The following MEOX2 variants were observed in gnomAD, a reference collection of about 807,000 sequenced individuals.
The protein encoded by MEOX2 is homeobox protein MOX-2.
MEOX2 carries 11 observed loss-of-function variants against 27.0 expected under a neutral mutation model. The observed-to-expected ratio is 0.41, with a 90% CI of 0.26 to 0.68. The LOEUF (loss-of-function observed/expected upper bound fraction) is 0.68, where lower values mean the gene tolerates loss of function less well. MEOX2 is among the 30% of genes least tolerant of loss of function. MEOX2 has a pLI of 0.33. For missense variants in MEOX2, 436 were observed against 385.4 expected (o/e 1.13, Z -1.10); for synonymous variants, 189 against 155.4 (o/e 1.22, Z -1.61).
At chr7:15,675,211 A>T (rs1218855533) in intron 1 of MEOX2, among the ~76,000 whole-genome samples, 5 of 152,204 alleles carry the variant, frequency 3.3e-5, no homozygotes, top group Admixed American at 3.3e-4. Context: ...CCAGCTATTA[A>T]ACTGTGTCAA....
chr7:15,614,529 A>C (rs1285753295), intron 2 of MEOX2, among the ~76,000 whole-genome samples: 1 of 152,112 alleles, frequency 6.6e-6, no homozygotes, highest in Non-Finnish European at 1.5e-5. Context: ...TGGATAACAC[A>C]TTGTCCCAGG....
intron 2 of MEOX2, among the ~76,000 whole-genome samples, chr7:15,617,741 T>A (rs1294057374): frequency 6.6e-6 from 1 of 152,120 alleles, no homozygotes; most frequent in African/African-American, 2.4e-5. Flanking sequence ...GGGCTGCCTC[T>A]CACCTTTATC....
At chr7:15,658,179 G>T (rs1248115817) in intron 1 of MEOX2, among the ~76,000 whole-genome samples, 1 of 152,206 alleles carries the variant, frequency 6.6e-6, no homozygotes. Flanking sequence ...TGGGGAACAG[G>T]ATGAGTAACT....
intron 1 of MEOX2, among the ~76,000 whole-genome samples, chr7:15,662,591 G>C (rs1030533274): frequency 5.3e-5 from 8 of 152,046 alleles, no homozygotes; most frequent in African/African-American, 1.9e-4. Context: ...TTTCAAGGTT[G>C]AGTAATGCAT....
intron 2 of MEOX2, among the ~76,000 whole-genome samples, chr7:15,623,792 A>G (rs938670494): frequency 6.6e-6 from 1 of 152,272 alleles, no homozygotes; most frequent in African/African-American, 2.4e-5. Context: ...CAATACAATT[A>G]CATCATTCCT....
Position 15,686,222 on chromosome 7 carries a change from C to T in MEOX2, c.181G>A (p.Ala61Thr), listed in dbSNP as rs991895325. 1.9e-6 allele frequency: 3 copies of T among 1,611,184 alleles called. No individual in the cohort carries two copies. The highest frequency in any genetic ancestry group is 2.7e-5 in the African/African-American group (2 of 74,810). ...TGGTGCCCCCTGTGATGCTGGCTGG[C>T]AAACATGCCCTCTTCGTTGGGGTAT... ...AGYPNEEGMFASQHHRGHHHH... is the reference protein window; with the variant it reads ...AGYPNEEGMFTSQHHRGHHHH... The change falls in exon 1 of 3, where the codon GCC (alanine) becomes ACC (threonine). Residue 61 changes from alanine (A) to threonine (T), a missense_variant. Transcript: ENST00000262041.
intron 1 of MEOX2, among the ~76,000 whole-genome samples, chr7:15,684,972 G>T (rs774338269): frequency 1.3e-5 from 2 of 152,234 alleles, no homozygotes; most frequent in African/African-American, 4.8e-5. Context: ...GGTCAGGAAG[G>T]TTCCCCTTTT....
At chr7:15,650,712 G>T (rs1408732093) in intron 1 of MEOX2, among the ~76,000 whole-genome samples, 1 of 151,836 alleles carries the variant, frequency 6.6e-6, no homozygotes, top group Non-Finnish European at 1.5e-5. Flanking sequence ...TTTTTGGGGG[G>T]GAGACTTCTC....
intron 2 of MEOX2, among the ~76,000 whole-genome samples, chr7:15,614,076 T>C (rs1285539866): frequency 6.6e-6 from 1 of 151,676 alleles, no homozygotes; most frequent in Non-Finnish European, 1.5e-5. Context: ...GACTAGTGTT[T>C]TGTGTTTTCT....
intron 1 of MEOX2, among the ~76,000 whole-genome samples, chr7:15,642,785 C>G (rs187830748): frequency 2.0e-5 from 3 of 152,270 alleles, no homozygotes; most frequent in South Asian, 2.1e-4. Flanking sequence ...AGGTTTCCCC[C>G]TCTTGAGGGT....
In MEOX2 at chr7:15,683,305, A is replaced by T. The variant is rs144732165; in HGVS notation, c.517+2581T>A. 1.4e-4 allele frequency among the ~76,000 whole-genome samples: 22 copies of T among 152,140 alleles called. 1 individual carries two copies. In the East Asian group the frequency reaches 4.2e-3, roughly 29 times the overall value. ...ACTTTACCCTGGATTTATGTACTGA[A>T]TTTTCTCTCAACCATAAATGCAAAG... On this transcript the variant is annotated intron_variant, in intron 1 of 2. Coordinates refer to ENST00000262041, the MANE Select transcript of MEOX2 (RefSeq NM_005924.5).
intron 1 of MEOX2, chr7:15,680,610 C>T (rs1008046643): frequency 1.3e-5 from 2 of 151,780 alleles, no homozygotes; most frequent in Non-Finnish European, 3.0e-5. Flanking sequence ...GTTCAACACG[C>T]TAGTAAAAGA....
At chr7:15,660,788 G>A (rs555181331) in intron 1 of MEOX2, among the ~76,000 whole-genome samples, 1 of 151,952 alleles carries the variant, frequency 6.6e-6, no homozygotes, top group Non-Finnish European at 1.5e-5. Context: ...TTGGGAGGCC[G>A]AGGCAGGCAG....
chr7:15,660,208 A>T (rs1781890708), intron 1 of MEOX2, among the ~76,000 whole-genome samples: 1 of 152,202 alleles, frequency 6.6e-6, no homozygotes, highest in African/African-American at 2.4e-5. Flanking sequence ...GAAACACAAA[A>T]GAGCACAGAA....
At chr7:15,618,890 C>T (rs1268296357) in intron 2 of MEOX2, among the ~76,000 whole-genome samples, 10 of 151,720 alleles carry the variant, frequency 6.6e-5, no homozygotes, top group Non-Finnish European at 7.4e-5. Flanking sequence ...TTAATAACTT[C>T]AAAACCGTCA....
intron 1 of MEOX2, among the ~76,000 whole-genome samples, chr7:15,650,644 T>G (rs1781719643): frequency 6.6e-6 from 1 of 151,982 alleles, no homozygotes; most frequent in Non-Finnish European, 1.5e-5. Flanking sequence ...TTCCTTCCCT[T>G]AAGGATCATA....
At chr7:15,622,743 G>T (rs997348608) in intron 2 of MEOX2, among the ~76,000 whole-genome samples, 7 of 152,136 alleles carry the variant, frequency 4.6e-5, no homozygotes, top group Non-Finnish European at 1.0e-4. Flanking sequence ...GAATAGCCAT[G>T]CTATGGTCTA....
chr7:15,686,584 A>G lies in MEOX2; in HGVS notation c.-182T>C, dbSNP rs1429671143. On this transcript the variant is annotated 5_prime_UTR_variant, in exon 1 of 3. It removes an upstream start codon present in the reference 5' UTR. Transcript: ENST00000262041. Reference sequence around the variant, plus strand: ...AGCCCCAGCGGCCAGTCTCCTTTACATATGAACAGTCGGACCTGGAAGAGC... The same window carrying G: ...AGCCCCAGCGGCCAGTCTCCTTTACGTATGAACAGTCGGACCTGGAAGAGC... The G allele has an allele frequency of 1.9e-5, 12 of 620,716 alleles. No individual in the cohort carries two copies. Among genetic ancestry groups the G allele is most frequent in the South Asian group, 1.5e-4 (7 of 47,998 alleles). 38.5% of individuals were successfully genotyped at this position (620,716 alleles called of 1,614,324 possible). A position where few individuals can be genotyped will look rare whatever the true frequency, so the allele number is the denominator to read the frequency against.
chr7:15,638,680 T>C (rs1040248121), intron 1 of MEOX2, among the ~76,000 whole-genome samples: 4 of 152,064 alleles, frequency 2.6e-5, no homozygotes, highest in Admixed American at 6.6e-5. Context: ...ATTTCCATCT[T>C]TGTGTCCATG....
Sources: gnomAD v4.1 joint callset for allele counts (sites outside exome capture counted in the v4.1 genomes callset) on GRCh38, gnomAD v4.1.1 for gene constraint, MANE v1.5 for transcripts, NCBI Gene and HGNC (gene_info 2026-07-23, HGNC 2026-07-21) for gene names.